Variants in RCOR1 observed in about 807,000 individuals in gnomAD.
RCOR1 encodes REST corepressor.
RCOR1 carries 12 observed loss-of-function variants against 64.0 expected under a neutral mutation model. The ratio of observed to expected loss-of-function variants is 0.19; its 90% CI spans 0.12 to 0.30. The LOEUF (loss-of-function observed/expected upper bound fraction) is 0.30, where lower values mean the gene tolerates loss of function less well. Ranked by LOEUF, RCOR1 falls within the 10% of genes least tolerant of loss-of-function variation. The pLI, the probability that RCOR1 is intolerant of heterozygous loss-of-function variation, is 1.00. For synonymous variants in RCOR1, 279 were observed against 227.2 expected (o/e 1.23, Z -2.05); for missense variants, 502 against 621.2 (o/e 0.81, Z 2.04).
intron 2 of RCOR1, among the ~76,000 whole-genome samples, chr14:102,678,663 C>T (rs1040482145): frequency 1.3e-5 from 2 of 152,274 alleles, no homozygotes; most frequent in Non-Finnish European, 2.9e-5. Context: ...GTTGCTAGAT[C>T]AGTCATTTGG....
At chr14:102,692,440 A>AACAC (rs10622844) in intron 3 of RCOR1, among the ~76,000 whole-genome samples, 7,140 of 146,280 alleles carry the variant, frequency 0.049, 213 homozygotes, top group East Asian at 0.11. Context: ...GGAAAAAGTT[A>AACAC]ACACACACAC....
At chr14:102,674,444 A>G (rs923173382) in intron 2 of RCOR1, among the ~76,000 whole-genome samples, 1 of 152,234 alleles carries the variant, frequency 6.6e-6, no homozygotes, top group Admixed American at 6.5e-5. Flanking sequence ...ATGAAACCAT[A>G]TGCTGATGTT....
At chr14:102,725,136 G>T (rs534501143) in intron 11 of RCOR1, among the ~76,000 whole-genome samples, 3 of 152,328 alleles carry the variant, frequency 2.0e-5, no homozygotes. Context: ...AAGAAAGGAT[G>T]CCATGGATTG....
intron 2 of RCOR1, among the ~76,000 whole-genome samples, chr14:102,632,247 C>T (rs1451554210): frequency 1.4e-5 from 2 of 146,216 alleles, no homozygotes; most frequent in Non-Finnish European, 3.0e-5. Flanking sequence ...GATGGAGTCT[C>T]GCTCTGTCAC....
At chr14:102,637,200 C>T (rs1429539476) in intron 2 of RCOR1, among the ~76,000 whole-genome samples, 2 of 149,524 alleles carry the variant, frequency 1.3e-5, no homozygotes, top group Admixed American at 6.6e-5. Flanking sequence ...AATCTCGGCT[C>T]ACGGCAACCT....
rs1191912940 is a variant in RCOR1 at position 102,648,032 on chromosome 14, CT to C, written c.362-33861del. 5.3e-5 allele frequency among the ~76,000 whole-genome samples: 8 copies of C among 152,138 alleles called. No homozygotes were observed. The East Asian group carries it at 1.5e-3, about 29-fold the overall frequency. ...TTCCAGATTTGGCCAATGGGATTTC[CT>C]TCAAGCTGACTCCTGTGTCCTTTTG... On this transcript the variant is annotated intron_variant, in intron 2 of 11. Coordinates refer to ENST00000262241, the MANE Select transcript of RCOR1 (RefSeq NM_015156.4).
Position 102,729,869 on chromosome 14 carries a change from T to G in RCOR1, c.*3363T>G, listed in dbSNP as rs911669242. On this transcript the variant is annotated 3_prime_UTR_variant, in exon 12 of 12. Coordinates refer to ENST00000262241, the MANE Select transcript of RCOR1 (RefSeq NM_015156.4). ...CCAACGAGGGCCTCTTTTTCTCTCT[T>G]GTCTAGCCTGTTTCTAAACCGAATG... The G allele has an allele frequency of 4.0e-5, 16 of 398,924 alleles. No homozygotes were observed. The highest frequency in any genetic ancestry group is 2.7e-4 in the African/African-American group (13 of 48,634). The allele number at this position is 398,924 out of a possible 1,614,324, so 24.7% of individuals were successfully genotyped here.
At chr14:102,672,227 T>C (rs1223784073) in intron 2 of RCOR1, among the ~76,000 whole-genome samples, 1 of 152,154 alleles carries the variant, frequency 6.6e-6, no homozygotes, top group Non-Finnish European at 1.5e-5. Flanking sequence ...TTTTTTTCTT[T>C]TTTGAGATGG....
At chr14:102,676,927 G>A (rs1895180785) in intron 2 of RCOR1, among the ~76,000 whole-genome samples, 2 of 100,548 alleles carry the variant, frequency 2.0e-5, no homozygotes, top group South Asian at 3.7e-4. Context: ...CCTCCCTCCC[G>A]GACGGGGCGG....
At chr14:102,643,064 C>T (rs557192435) in intron 2 of RCOR1, among the ~76,000 whole-genome samples, 3 of 152,142 alleles carry the variant, frequency 2.0e-5, no homozygotes, top group African/African-American at 4.8e-5. Context: ...GGGCAGATCA[C>T]GAGGTCAGGA....
At chr14:102,656,098 T>G (rs1226967230) in intron 2 of RCOR1, 4 of 985,176 alleles carry the variant, frequency 4.1e-6, no homozygotes, top group Non-Finnish European at 4.8e-6. Context: ...GGAAACAGAT[T>G]CTTTTCATTC....
intron 2 of RCOR1, among the ~76,000 whole-genome samples, chr14:102,601,375 T>C (rs993933854): frequency 3.9e-5 from 6 of 152,246 alleles, no homozygotes; most frequent in Non-Finnish European, 8.8e-5. Context: ...ATTCCCGCCT[T>C]CTTTCTTCAT....
chr14:102,713,418 G>T (rs1896000968), intron 7 of RCOR1, among the ~76,000 whole-genome samples: 1 of 151,910 alleles, frequency 6.6e-6, no homozygotes, highest in Non-Finnish European at 1.5e-5. Context: ...AAGTAGCTGG[G>T]GCTACAGGCG....
At chr14:102,725,514 C>T (rs1208791355) in intron 11 of RCOR1, among the ~76,000 whole-genome samples, 1 of 152,194 alleles carries the variant, frequency 6.6e-6, no homozygotes, top group Non-Finnish European at 1.5e-5. Flanking sequence ...ACAGCATGCC[C>T]TCAAGCCAGT....
chr14:102,717,906 C>T (rs1896097868), intron 8 of RCOR1, among the ~76,000 whole-genome samples: 1 of 152,006 alleles, frequency 6.6e-6, no homozygotes, highest in Non-Finnish European at 1.5e-5. Context: ...CCTTTTAGCG[C>T]CACAGTGCAG....
intron 2 of RCOR1, among the ~76,000 whole-genome samples, chr14:102,679,269 C>G (rs918059652): frequency 2.0e-5 from 3 of 152,014 alleles, no homozygotes; most frequent in Non-Finnish European, 4.4e-5. Flanking sequence ...GTTCTGTCAT[C>G]TGTTTTGAGA....
intron 3 of RCOR1, among the ~76,000 whole-genome samples, chr14:102,697,558 G>A (rs891706358): frequency 3.5e-4 from 54 of 152,300 alleles, no homozygotes; most frequent in African/African-American, 1.2e-3. Context: ...GTATTAGATG[G>A]TAATTCCTTT....
At chr14:102,724,796 A>G (rs189575574) in intron 11 of RCOR1, among the ~76,000 whole-genome samples, 5 of 152,304 alleles carry the variant, frequency 3.3e-5, no homozygotes, top group East Asian at 1.9e-4. Context: ...ATGCTGGCTT[A>G]CTTGTCTGTC....
intron 3 of RCOR1, among the ~76,000 whole-genome samples, chr14:102,685,508 G>A (rs1895399913): frequency 1.3e-5 from 2 of 149,496 alleles, no homozygotes; most frequent in South Asian, 2.1e-4. Flanking sequence ...TTGAGACAGA[G>A]GTTTATTCTT....
Sources: allele counts gnomAD v4.1 joint callset (sites outside exome capture counted in the v4.1 genomes callset), GRCh38; gene constraint gnomAD v4.1.1; transcripts MANE v1.5; gene names NCBI Gene and HGNC (gene_info 2026-07-23, HGNC 2026-07-21).